The following CPB1 variants were observed in gnomAD, a reference collection of about 807,000 sequenced individuals.
CPB1 encodes carboxypeptidase B1.
CPB1 carries 53 observed loss-of-function variants against 51.4 expected under a neutral mutation model. That is an observed-to-expected ratio of 1.03 (90% CI 0.83 to 1.30). The LOEUF is 1.30. Ranked by LOEUF, CPB1 falls within the 50% of genes most tolerant of loss-of-function variation. The probability of loss-of-function intolerance (pLI) is 0.00; values close to 1 mark genes in which losing one functional copy is unlikely to be tolerated. For missense variants in CPB1, 494 were observed against 516.2 expected, an observed-to-expected ratio of 0.96 and a Z score of 0.42; for synonymous variants, 189 against 186.9, an observed-to-expected ratio of 1.01 and a Z score of -0.09.
intron 10 of CPB1, among the ~76,000 whole-genome samples, chr3:148,858,062 G>T (rs1713635836): frequency 6.6e-6 from 1 of 152,134 alleles, no homozygotes; most frequent in Non-Finnish European, 1.5e-5. Flanking sequence ...AGAAAAGGAA[G>T]GAGGGAGATC....
At chr3:148,855,183 T>C (rs1043611970) in intron 9 of CPB1, 3 of 152,192 alleles carry the variant, frequency 2.0e-5, no homozygotes, top group Non-Finnish European at 2.9e-5. Flanking sequence ...TGAGGTGATC[T>C]TCAGAAGATG....
intron 9 of CPB1, among the ~76,000 whole-genome samples, chr3:148,849,680 G>A (rs997270335): frequency 2.0e-5 from 3 of 152,172 alleles, no homozygotes; most frequent in African/African-American, 7.2e-5. Flanking sequence ...ATGGAAAGCA[G>A]AGCGCACTAC....
intron 6 of CPB1, among the ~76,000 whole-genome samples, 187 bp from the exon 7 acceptor site, chr3:148,844,291 A>G (rs1177979617): frequency 6.6e-6 from 1 of 152,234 alleles, no homozygotes; most frequent in Non-Finnish European, 1.5e-5. Context: ...ATTAGAAATA[A>G]CAATTATAAA....
chr3:148,845,961 AT>A (rs1334535578), intron 9 of CPB1, among the ~76,000 whole-genome samples: 16 of 151,636 alleles, frequency 1.1e-4, no homozygotes, highest in East Asian at 1.9e-4. Flanking sequence ...TCACATACAT[AT>A]TTTTTTTTCA....
chr3:148,828,056 C>A lies in CPB1; in HGVS notation c.126C>A (p.Arg42=). ...VEDENHINII[R]ELASTTQIDF... ...ATGAAAATCACATTAACATAATCCG[C>A]GAGTTGGCCAGCACGACCCAGGTAA... The change falls in exon 2 of 11, where the codon CGC becomes CGA. Residue 42 remains arginine (R), a synonymous_variant. Transcript: ENST00000282957. 2 of 1,613,850 alleles carry A rather than the reference C, an allele frequency of 1.2e-6. No individual in the cohort carries two copies. Among genetic ancestry groups the A allele is most frequent in the Non-Finnish European group, 1.7e-6 (2 of 1,179,856 alleles).
At chr3:148,839,949 C>G (rs115164509) in intron 3 of CPB1, among the ~76,000 whole-genome samples, 2,268 of 151,596 alleles carry the variant, frequency 0.015, 31 homozygotes, top group Non-Finnish European at 0.022. Flanking sequence ...TACACACACA[C>G]ACACACACCT....
chr3:148,850,826 C>T (rs1376321665), intron 9 of CPB1: 19 of 152,178 alleles, frequency 1.2e-4, no homozygotes, highest in Admixed American at 1.2e-3. Context: ...TGCTTCCAGG[C>T]AGGCTTAGGT....
At chr3:148,828,814 A>C (rs1712647521) in intron 2 of CPB1, among the ~76,000 whole-genome samples, 1 of 152,158 alleles carries the variant, frequency 6.6e-6, no homozygotes, top group Non-Finnish European at 1.5e-5. Flanking sequence ...ATACATACAT[A>C]AACATATATA....
chr3:148,839,692 A>T (rs1278791555), intron 3 of CPB1, among the ~76,000 whole-genome samples: 1 of 152,210 alleles, frequency 6.6e-6, no homozygotes, highest in Non-Finnish European at 1.5e-5. Context: ...TGTCCCTGAC[A>T]TACTTCATCA....
intron 5 of CPB1, among the ~76,000 whole-genome samples, 191 bp downstream of exon 5, chr3:148,841,166 T>A (rs1228964910): frequency 6.6e-6 from 1 of 152,204 alleles, no homozygotes; most frequent in Admixed American, 6.5e-5. Flanking sequence ...TTATTTTGAT[T>A]TATTCAAAAG....
intron 9 of CPB1, chr3:148,854,977 AG>A (rs1162889884): frequency 2.6e-5 from 4 of 152,412 alleles, no homozygotes; most frequent in Middle Eastern, 3.4e-3. Context: ...TGAAGAGAAA[AG>A]GGTACCCACA....
intron 2 of CPB1, among the ~76,000 whole-genome samples, chr3:148,833,924 T>A (rs1712815374): frequency 6.6e-6 from 1 of 151,348 alleles, no homozygotes. Context: ...CATGACTGGA[T>A]CCCCAAGAGC....
In CPB1 at chr3:148,840,890, A is replaced by C. The variant is rs755664187; in HGVS notation, c.389A>C (p.Gln130Pro). 2 of 1,614,182 alleles carry C rather than the reference A, an allele frequency of 1.2e-6. No individual in the cohort carries two copies. Among genetic ancestry groups the C allele is most frequent in the Admixed American group, 3.3e-5 (2 of 60,030 alleles). Residue 130 changes from glutamine (Q) to proline (P), a missense_variant, in exon 5 of 11, where the codon CAA (glutamine) becomes CCA (proline). Physicochemically the swap from Gln to Pro is moderately conservative, Grantham distance 76. Transcript: ENST00000282957. ...NKWETIEAWT[Q>P]QVATENPALI... The stretch of plus-strand genomic sequence containing the variant: ...ATTTGGTAGATAGAGGCTTGGACTC[A>C]ACAAGTCGCCACTGAGAATCCAGCC...
intron 6 of CPB1, among the ~76,000 whole-genome samples, chr3:148,842,737 T>C (rs1713120337): frequency 6.6e-6 from 1 of 152,144 alleles, no homozygotes; most frequent in Non-Finnish European, 1.5e-5. Flanking sequence ...AAAAGTTATC[T>C]CCTCGCAAAA....
In CPB1 at chr3:148,857,521, G is replaced by A; in HGVS notation, c.1046G>A (p.Gly349Asp). The A allele has an allele frequency of 6.2e-7, 1 of 1,613,812 alleles. No homozygotes were observed. Residue 349 changes from glycine (G) to aspartate (D), a missense_variant, in exon 10 of 11, where the codon GGC becomes GAC. By Grantham distance (94) the Gly-to-Asp change is moderately conservative. Coordinates refer to ENST00000282957, the MANE Select transcript of CPB1 (RefSeq NM_001871.3). ...ASLHGTKYTY[G>D]PGATTIYPAA... ...CTGCACGGCACCAAGTACACATATG[G>A]CCCGGGAGCTACAACAATCTGTGAG...
At chr3:148,842,341 A>C (rs1375960761) in intron 6 of CPB1, among the ~76,000 whole-genome samples, 1 of 152,230 alleles carries the variant, frequency 6.6e-6, no homozygotes, top group African/African-American at 2.4e-5. Flanking sequence ...GTTGTGGTTA[A>C]ACCAATTTGA....
chr3:148,837,071 T>C (rs1712927060), intron 3 of CPB1, among the ~76,000 whole-genome samples: 1 of 152,168 alleles, frequency 6.6e-6, no homozygotes, highest in Admixed American at 6.5e-5. Context: ...AAAGTTTCAC[T>C]CTTAGTAACA....
intron 9 of CPB1, among the ~76,000 whole-genome samples, chr3:148,848,427 TAAAGG>T (rs932505330): frequency 1.3e-5 from 2 of 152,134 alleles, no homozygotes; most frequent in African/African-American, 4.8e-5. Context: ...CATTAAAATT[TAAAGG>T]AAACAATGAG....
At chr3:148,841,148 T>C (rs1414304913) in intron 5 of CPB1, among the ~76,000 whole-genome samples, 173 bp downstream of exon 5, 1 of 152,208 alleles carries the variant, frequency 6.6e-6, no homozygotes, top group Non-Finnish European at 1.5e-5. Flanking sequence ...ATGTGGATTT[T>C]TAAATCATTA....
Sources: gnomAD v4.1 joint callset for allele counts (sites outside exome capture counted in the v4.1 genomes callset) on GRCh38, gnomAD v4.1.1 for gene constraint, MANE v1.5 for transcripts, NCBI Gene and HGNC (gene_info 2026-07-23, HGNC 2026-07-21) for gene names.